Variants in MCUR1 observed in about 807,000 individuals in gnomAD.
MCUR1 encodes the protein mitochondrial calcium uniporter regulator 1, also known as MCU regulator 1.
MCUR1 carries 37 observed loss-of-function variants against 42.0 expected under a neutral mutation model. The observed-to-expected ratio is 0.88, with a 90% CI of 0.68 to 1.16. The LOEUF (loss-of-function observed/expected upper bound fraction) is 1.16, where lower values mean the gene tolerates loss of function less well. Among genes scored for constraint, MCUR1 ranks in the 50% most tolerant of loss-of-function variants. The pLI, the probability that MCUR1 is intolerant of heterozygous loss-of-function variation, is 0.00. For synonymous variants in MCUR1, 229 were observed against 196.2 expected (o/e 1.17, Z -1.40); for missense variants, 469 against 468.4 (o/e 1.00, Z -0.01).
At chr6:13,794,566 T>A (rs1759811317) in intron 6 of MCUR1, among the ~76,000 whole-genome samples, 1 of 151,418 alleles carries the variant, frequency 6.6e-6, no homozygotes, top group African/African-American at 2.4e-5. Flanking sequence ...TATTATTCTA[T>A]GACAAAGACA....
chr6:13,809,718 A>C (rs1760190445), intron 1 of MCUR1, among the ~76,000 whole-genome samples: 1 of 146,444 alleles, frequency 6.8e-6, no homozygotes. Flanking sequence ...ACACTGCAAG[A>C]CCTCCTCTCA....
In MCUR1 at chr6:13,814,181, T is replaced by A; in HGVS notation, c.249A>T (p.Ala83=). Residue 83 remains alanine (A), a synonymous_variant, in exon 1 of 9, where the codon GCA becomes GCT. Coordinates refer to ENST00000379170, the MANE Select transcript of MCUR1 (RefSeq NM_001031713.4). ...AGTCCCCGAGCTGCCGGCGCGGGGC[T>A]GCGGCGGCCAAGCGCGGGGAGGGCA... is the stretch of plus-strand genomic sequence containing the variant. ...LLVPSPRLAA[A]APRRQLGDWE... 1 of 1,370,874 alleles carries A rather than the reference T, an allele frequency of 7.3e-7. No individual in the cohort carries two copies. The highest frequency in any genetic ancestry group is 9.3e-7 in the Non-Finnish European group (1 of 1,070,576). 84.9% of individuals were successfully genotyped at this position (1,370,874 alleles called of 1,614,324 possible).
intron 6 of MCUR1, among the ~76,000 whole-genome samples, chr6:13,795,528 C>G (rs759136181): frequency 6.6e-6 from 1 of 152,150 alleles, no homozygotes; most frequent in Non-Finnish European, 1.5e-5. Flanking sequence ...GAACGAGAGC[C>G]AGAAAACTCA....
intron 2 of MCUR1, chr6:13,803,750 G>C (rs1760044462): frequency 1.0e-6 from 1 of 984,766 alleles, no homozygotes; most frequent in African/African-American, 1.7e-5. Context: ...ACATTGTTTA[G>C]CTCTGACTCT....
At chr6:13,793,421 A>T (rs1290039567) in intron 7 of MCUR1, among the ~76,000 whole-genome samples, 1 of 152,232 alleles carries the variant, frequency 6.6e-6, no homozygotes, top group Non-Finnish European at 1.5e-5. Flanking sequence ...ATAATGGAAT[A>T]CTAATCAGCC....
intron 1 of MCUR1, among the ~76,000 whole-genome samples, chr6:13,812,326 T>C (rs953385658): frequency 2.6e-5 from 4 of 152,178 alleles, no homozygotes; most frequent in Admixed American, 6.5e-5. Flanking sequence ...GCATACATGC[T>C]TCCTTAACTG....
intron 6 of MCUR1, among the ~76,000 whole-genome samples, chr6:13,796,089 T>A (rs751910224): frequency 6.6e-6 from 1 of 152,238 alleles, no homozygotes; most frequent in Middle Eastern, 3.4e-3. Context: ...TACATGTAAA[T>A]CATATTTATC....
chr6:13,792,360 A>C (rs1374955268), intron 7 of MCUR1, among the ~76,000 whole-genome samples: 1 of 152,222 alleles, frequency 6.6e-6, no homozygotes, highest in African/African-American at 2.4e-5. Context: ...TCTGTTCTCA[A>C]AGGCAACGGC....
At chr6:13,806,134 A>G (rs557433581) in intron 2 of MCUR1, among the ~76,000 whole-genome samples, 1 of 152,206 alleles carries the variant, frequency 6.6e-6, no homozygotes, top group South Asian at 2.1e-4. Flanking sequence ...CGTGCCTATA[A>G]TCTCAGCTAC....
At chr6:13,790,895 T>C (rs920381001) in intron 8 of MCUR1, 31 bp from the exon 9 acceptor site, 3 of 1,516,552 alleles carry the variant, frequency 2.0e-6, no homozygotes, top group Non-Finnish European at 2.7e-6. Flanking sequence ...AGAGTACTAT[T>C]AGTTCTATTA....
intron 6 of MCUR1, among the ~76,000 whole-genome samples, chr6:13,796,236 T>C: frequency 6.6e-6 from 1 of 152,054 alleles, no homozygotes; most frequent in Non-Finnish European, 1.5e-5. Context: ...ATATATCCAA[T>C]AATTTAAAAA....
rs1316617002 is a variant in MCUR1 at position 13,802,340 on chromosome 6, G to C, written c.542C>G (p.Ala181Gly). The C allele has an allele frequency of 1.2e-6, 2 of 1,612,860 alleles. No homozygotes were observed. The highest frequency in any genetic ancestry group is 3.3e-5 in the Admixed American group (2 of 59,946). The change falls in exon 3 of 9, where the codon GCT (alanine) becomes GGT (glycine). Residue 181 changes from alanine (A) to glycine (G), a missense_variant. Transcript: ENST00000379170. ...CACAATGATTTCTGCTTGTTGAGTA[G>C]CAAACCCTAAGCAAGCACACAAGCA... Reference protein sequence around the residue: ...LVCLLEDNGFATQQAEIIVSA... With the variant: ...LVCLLEDNGFGTQQAEIIVSA...
chr6:13,803,776 G>A (rs146272720), intron 2 of MCUR1: 82 of 985,010 alleles, frequency 8.3e-5, no homozygotes, highest in Admixed American at 2.5e-4. Context: ...CTTTTTTCTC[G>A]TCTGTCTTCC....
At chr6:13,797,237 G>A (rs1759874894) in intron 6 of MCUR1, among the ~76,000 whole-genome samples, 1 of 152,182 alleles carries the variant, frequency 6.6e-6, no homozygotes, top group Non-Finnish European at 1.5e-5. Context: ...CTCAGTTTCT[G>A]CATGTGTATT....
chr6:13,807,610 T>A (rs541498139), intron 1 of MCUR1, among the ~76,000 whole-genome samples: 23 of 152,264 alleles, frequency 1.5e-4, no homozygotes, highest in Non-Finnish European at 2.8e-4. Flanking sequence ...ACGAATTACA[T>A]GGACGTTGTT....
At chr6:13,803,866 C>G in intron 2 of MCUR1, 1 of 985,312 alleles carries the variant, frequency 1.0e-6, no homozygotes, top group Non-Finnish European at 1.2e-6. Flanking sequence ...GGTGTGGTGG[C>G]TCACGCCTGT....
Position 13,806,949 on chromosome 6 carries a change from A to C in MCUR1, c.511T>G (p.Leu171Val). 1 of 1,612,746 alleles carries C rather than the reference A, an allele frequency of 6.2e-7. No homozygotes were observed. Among genetic ancestry groups the C allele is most frequent in the East Asian group, 2.2e-5 (1 of 44,854 alleles). Residue 171 changes from leucine to valine, a missense_variant, in exon 2 of 9, where the codon TTA (leucine) becomes GTA (valine). Coordinates refer to ENST00000379170, the MANE Select transcript of MCUR1 (RefSeq NM_001031713.4). The part of the protein sequence containing the change: ...SRKLYFDTHA[L>V]VCLLEDNGFA... ...CCATTGTCTTCCAGTAAGCACACTA[A>C]GGCATGAGTGTCGAAGTAGAGTTTC... is the stretch of plus-strand genomic sequence containing the variant.
intron 1 of MCUR1, among the ~76,000 whole-genome samples, chr6:13,810,964 C>G (rs748649171): frequency 1.3e-5 from 2 of 152,212 alleles, no homozygotes; most frequent in Non-Finnish European, 1.5e-5. Context: ...TTCTAGCAAC[C>G]TAAGCTATTC....
rs1759916911 is a variant in MCUR1, at chr6:13,798,841, T to C, written c.847A>G (p.Lys283Glu). 2 of 1,611,368 alleles carry C rather than the reference T, an allele frequency of 1.2e-6. No individual in the cohort carries two copies. Among genetic ancestry groups the C allele is most frequent in the Non-Finnish European group, 8.5e-7 (1 of 1,177,982 alleles). Residue 283 changes from lysine (K) to glutamate (E), a missense_variant, in exon 6 of 9, where the codon AAA becomes GAA. Coordinates refer to ENST00000379170, the MANE Select transcript of MCUR1 (RefSeq NM_001031713.4). ...LDFNLEKSRV[K>E]ELYSLNEKKL... is the part of the protein sequence containing the mutation. Reference sequence around the variant, plus strand: ...TTAGTAAAGGAACGTACCAATTCTTTTACTCTGCTCTTTTCTAGGTTGAAG... The same window carrying C: ...TTAGTAAAGGAACGTACCAATTCTTCTACTCTGCTCTTTTCTAGGTTGAAG...
Sources: gnomAD v4.1 joint callset for allele counts (sites outside exome capture counted in the v4.1 genomes callset) on GRCh38, gnomAD v4.1.1 for gene constraint, MANE v1.5 for transcripts, NCBI Gene and HGNC (gene_info 2026-07-23, HGNC 2026-07-21) for gene names.